Variants in PSD3 observed in about 807,000 individuals in gnomAD.
PSD3 encodes the protein PH and SEC7 domain-containing protein 3.
A neutral mutation model predicts 105.5 loss-of-function variants in PSD3; 49 were observed. The observed-to-expected ratio is 0.46, with a 90% CI of 0.37 to 0.59. The LOEUF is 0.59. PSD3 is among the 20% of genes least tolerant of loss of function. The pLI is 0.00. For missense variants in PSD3, 1,561 were observed against 1,263.8 expected (o/e 1.24, Z -3.57); for synonymous variants, 557 against 457.8 (o/e 1.22, Z -2.77).
At chr8:18,864,605 T>A (rs965825162) in intron 4 of PSD3, 5 of 152,190 alleles carry the variant, frequency 3.3e-5, no homozygotes, top group African/African-American at 9.7e-5. Context: ...TAAGCCTTCC[T>A]CAGAGCTCAC....
chr8:18,697,370 C>G (rs1801319960), intron 9 of PSD3, among the ~76,000 whole-genome samples: 1 of 152,114 alleles, frequency 6.6e-6, no homozygotes, highest in South Asian at 2.1e-4. Context: ...ACAAAAGTAC[C>G]TGACAAGTGA....
chr8:18,741,682 C>T (rs1037134247), intron 9 of PSD3, among the ~76,000 whole-genome samples: 3 of 151,846 alleles, frequency 2.0e-5, no homozygotes, highest in Admixed American at 6.6e-5. Flanking sequence ...TAAGATTATC[C>T]GTCCTATCAG....
chr8:18,794,688 T>C (rs1810028601), intron 8 of PSD3, among the ~76,000 whole-genome samples: 1 of 19,750 alleles, frequency 5.1e-5, no homozygotes, highest in African/African-American at 1.2e-4. Flanking sequence ...CTCCCCACAA[T>C]TGTCTTGTGA....
intron 4 of PSD3, among the ~76,000 whole-genome samples, chr8:18,866,779 CT>C (rs76054573): frequency 0.096 from 13,582 of 142,158 alleles, 596 homozygotes; most frequent in Middle Eastern, 0.13. Context: ...TTAATACTGG[CT>C]TTTTTTTTTT....
intron 2 of PSD3, among the ~76,000 whole-genome samples, chr8:18,912,647 C>T (rs116949159): frequency 1.6e-4 from 25 of 152,112 alleles, no homozygotes; most frequent in Non-Finnish European, 2.8e-4. Context: ...CACTCACTCA[C>T]CACACCTAGT....
At chr8:18,951,096 A>G (rs1586508059) in intron 1 of PSD3, among the ~76,000 whole-genome samples, 2 of 152,214 alleles carry the variant, frequency 1.3e-5, no homozygotes, top group South Asian at 2.1e-4. Context: ...TGAGTATACA[A>G]CAGAGCCCTC....
chr8:19,077,851 T>C (rs1829508590), intron 1 of PSD3, among the ~76,000 whole-genome samples: 2 of 152,174 alleles, frequency 1.3e-5, no homozygotes, highest in Non-Finnish European at 1.5e-5. Context: ...ATGTGGCTAA[T>C]CTCCACCTTT....
intron 12 of PSD3, among the ~76,000 whole-genome samples, chr8:18,588,645 C>T (rs1448237536): frequency 1.3e-5 from 2 of 152,198 alleles, no homozygotes; most frequent in Non-Finnish European, 2.9e-5. Flanking sequence ...CCCAAATGCA[C>T]ATTTGCCACA....
At chr8:19,062,230 A>G (rs1394397502) in intron 1 of PSD3, among the ~76,000 whole-genome samples, 1 of 152,254 alleles carries the variant, frequency 6.6e-6, no homozygotes, top group East Asian at 1.9e-4. Flanking sequence ...GGGATGTTTG[A>G]ATAGCAGAAG....
intron 15 of PSD3, among the ~76,000 whole-genome samples, chr8:18,554,602 A>C (rs1308678210): frequency 6.6e-6 from 1 of 152,158 alleles, no homozygotes; most frequent in Non-Finnish European, 1.5e-5. Context: ...GAAATATTAT[A>C]ACTCAGAGAC....
At chr8:18,780,649 G>A (rs111443628) in intron 8 of PSD3, among the ~76,000 whole-genome samples, 253 of 152,176 alleles carry the variant, frequency 1.7e-3, no homozygotes, top group African/African-American at 6.0e-3. Context: ...TGCGTCTTGG[G>A]TTCACGCCAT....
At chr8:18,961,096 A>C (rs1483322850) in intron 1 of PSD3, among the ~76,000 whole-genome samples, 4 of 152,082 alleles carry the variant, frequency 2.6e-5, no homozygotes, top group African/African-American at 9.7e-5. Flanking sequence ...TGTCTCCAAA[A>C]AAACAAACAA....
chr8:18,628,476 C>A (rs1020119918), intron 11 of PSD3, among the ~76,000 whole-genome samples: 6 of 151,762 alleles, frequency 4.0e-5, no homozygotes, highest in Non-Finnish European at 5.9e-5. Context: ...CCAAAGGATT[C>A]TATACCCAGT....
chr8:18,679,036 G>A (rs1417133357), intron 9 of PSD3, among the ~76,000 whole-genome samples: 4 of 152,080 alleles, frequency 2.6e-5, no homozygotes, highest in Non-Finnish European at 4.4e-5. Flanking sequence ...AAAGACATTT[G>A]CAAGAAAATT....
intron 4 of PSD3, among the ~76,000 whole-genome samples, chr8:18,855,157 G>T (rs1306339743): frequency 6.6e-6 from 1 of 152,232 alleles, no homozygotes; most frequent in Non-Finnish European, 1.5e-5. Context: ...CGGGGATTAT[G>T]AGGACCTGGA....
At chr8:19,060,634 A>AAAC (rs1486399618) in intron 1 of PSD3, among the ~76,000 whole-genome samples, 1 of 152,182 alleles carries the variant, frequency 6.6e-6, no homozygotes, top group African/African-American at 2.4e-5. Context: ...ACCCCATCTC[A>AAAC]AACAACAACA....
intron 9 of PSD3, among the ~76,000 whole-genome samples, chr8:18,752,625 T>TTATATATAATATATATAATATATAA (rs1805686156): frequency 1.1e-5 from 1 of 91,536 alleles, no homozygotes; most frequent in Non-Finnish European, 1.9e-5. Flanking sequence ...ATAATATATA[T>TTATATATAATATATATAATATATAA]TATATATAAT....
intron 9 of PSD3, among the ~76,000 whole-genome samples, chr8:18,761,126 G>C (rs1449956501): frequency 6.6e-6 from 1 of 152,166 alleles, no homozygotes; most frequent in Non-Finnish European, 1.5e-5. Context: ...TCAAACGTCA[G>C]GTTTAAAAAT....
At position 18,856,092 on chromosome 8, in the gene PSD3, C is replaced by T. The variant is rs1586236408; in HGVS notation, c.1634+11582G>A. Among the ~76,000 whole-genome samples the T allele has an allele frequency of 1.3e-5, 2 of 152,298 alleles. 1 individual carries two copies. The highest frequency in any genetic ancestry group is 1.3e-4 in the Admixed American group (2 of 15,300). On this transcript the variant is annotated intron_variant, in intron 4 of 15. Transcript: ENST00000327040. ...CTGCTCCTTCTGCCATAGTTCAGCTCCTTCTCTCTGGCATGTCACCCTGCT... is the reference window on the plus strand; with the variant it reads ...CTGCTCCTTCTGCCATAGTTCAGCTTCTTCTCTCTGGCATGTCACCCTGCT...
Sources: allele counts gnomAD v4.1 joint callset (sites outside exome capture counted in the v4.1 genomes callset), GRCh38; gene constraint gnomAD v4.1.1; transcripts MANE v1.5; gene names NCBI Gene and HGNC (gene_info 2026-07-23, HGNC 2026-07-21).